PRDM16: variants seen among roughly 807,000 people sequenced by gnomAD.
PRDM16 encodes the protein PR/SET domain 16, also known as histone-lysine N-methyltransferase PRDM16.
In PRDM16, 23 loss-of-function variants were observed where a neutral mutation model predicts 110.6. The ratio of observed to expected loss-of-function variants is 0.21; its 90% CI spans 0.15 to 0.29. The LOEUF (loss-of-function observed/expected upper bound fraction) is 0.29, where lower values mean the gene tolerates loss of function less well. PRDM16 is among the 10% of genes least tolerant of loss of function. The pLI is 1.00. For missense variants in PRDM16, 1,615 were observed against 1,794.3 expected (o/e 0.90, Z 1.81); for synonymous variants, 799 against 781.8 (o/e 1.02, Z -0.37).
At chr1:3,326,068 ATCCTCG>A (rs1304605970) in intron 3 of PRDM16, among the ~76,000 whole-genome samples, 5 of 55,220 alleles carry the variant, frequency 9.1e-5, no homozygotes, top group Non-Finnish European at 1.4e-4. Context: ...CCCCTTGGCC[ATCCTCG>A]ACCATCCTTG....
chr1:3,098,449 C>G (rs74048202), intron 1 of PRDM16, among the ~76,000 whole-genome samples: 262 of 152,266 alleles, frequency 1.7e-3, no homozygotes, highest in African/African-American at 6.0e-3. Context: ...TTGTCTCCCC[C>G]ACTCACCGCT....
intron 1 of PRDM16, among the ~76,000 whole-genome samples, chr1:3,138,287 C>A (rs967535012): frequency 5.3e-5 from 8 of 152,248 alleles, no homozygotes; most frequent in African/African-American, 1.7e-4. Context: ...ATGGCTGCCA[C>A]AAGCCTTTTT....
At chr1:3,098,210 G>A (rs980763626) in intron 1 of PRDM16, among the ~76,000 whole-genome samples, 1 of 152,142 alleles carries the variant, frequency 6.6e-6, no homozygotes, top group Non-Finnish European at 1.5e-5. Context: ...AGGCTCATGG[G>A]GCTGGATCCA....
At position 3,412,735 on chromosome 1, in the gene PRDM16, G is replaced by T; in HGVS notation, c.2538G>T (p.Arg846=). The change falls in exon 9 of 17, where the codon CGG becomes CGT. Residue 846 remains arginine, a synonymous_variant. Transcript: ENST00000270722. ...GEGLPQVCPA[R]MPQQPPLHYA... is the part of the protein sequence containing the mutation. Reference sequence around the variant, plus strand: ...GGCTGCCCCAGGTGTGCCCGGCGCGGATGCCCCAGCAGCCCCCGCTCCACT... The same window carrying T: ...GGCTGCCCCAGGTGTGCCCGGCGCGTATGCCCCAGCAGCCCCCGCTCCACT... The T allele has an allele frequency of 6.6e-7, 1 of 1,506,748 alleles. No homozygotes were observed. 93.3% of individuals were successfully genotyped at this position (1,506,748 alleles called of 1,614,324 possible).
At chr1:3,385,343 G>C (rs569907015) in intron 4 of PRDM16, 57 bp downstream of exon 4, 1 of 1,590,658 alleles carries the variant, frequency 6.3e-7, no homozygotes, top group Non-Finnish European at 8.6e-7. Context: ...CTGAGGATGT[G>C]GCACCAAGAT....
chr1:3,153,080 G>A (rs185413632), intron 1 of PRDM16, among the ~76,000 whole-genome samples: 26 of 152,370 alleles, frequency 1.7e-4, no homozygotes, highest in Admixed American at 8.5e-4. Context: ...CAGCTCCAGC[G>A]GTGCTCAGAT....
chr1:3,180,391 G>C (rs924356529), intron 1 of PRDM16, among the ~76,000 whole-genome samples: 2 of 152,024 alleles, frequency 1.3e-5, no homozygotes, highest in African/African-American at 2.4e-5. Context: ...TTGAAATCAC[G>C]TGGCTGGGTG....
intron 4 of PRDM16, chr1:3,386,728 C>T (rs1052646484): frequency 5.3e-5 from 8 of 152,276 alleles, no homozygotes; most frequent in African/African-American, 1.2e-4. Context: ...CATAGAAGGA[C>T]GGTCTTTCCG....
intron 1 of PRDM16, among the ~76,000 whole-genome samples, chr1:3,108,463 C>G (rs1642715571): frequency 6.6e-6 from 1 of 152,234 alleles, no homozygotes; most frequent in Admixed American, 6.5e-5. Flanking sequence ...CTGTGACAGT[C>G]AAAGTTTTGT....
intron 16 of PRDM16, among the ~76,000 whole-genome samples, chr1:3,432,749 C>T (rs1412634398): frequency 1.3e-5 from 2 of 152,210 alleles, no homozygotes; most frequent in African/African-American, 4.8e-5. Flanking sequence ...AAGCCGTCTG[C>T]GTGTCTGTCT....
chr1:3,219,149 G>T (rs916502359), intron 2 of PRDM16, among the ~76,000 whole-genome samples: 4 of 152,188 alleles, frequency 2.6e-5, no homozygotes, highest in African/African-American at 9.7e-5. Context: ...ACAGCCTCAC[G>T]GTGCACAGAA....
At chr1:3,271,528 G>A (rs556206305) in intron 3 of PRDM16, among the ~76,000 whole-genome samples, 2 of 152,330 alleles carry the variant, frequency 1.3e-5, no homozygotes, top group South Asian at 4.1e-4. Flanking sequence ...TGGAAATTCT[G>A]ACCCTGTGAG....
chr1:3,212,258 C>T (rs984290012), intron 2 of PRDM16, among the ~76,000 whole-genome samples: 8 of 152,172 alleles, frequency 5.3e-5, no homozygotes, highest in Non-Finnish European at 1.2e-4. Context: ...CCCTTTTATG[C>T]GGCCTTGTGC....
intron 3 of PRDM16, among the ~76,000 whole-genome samples, chr1:3,284,128 C>T (rs1044234813): frequency 1.3e-5 from 2 of 152,194 alleles, no homozygotes; most frequent in African/African-American, 2.4e-5. Flanking sequence ...ACCCGTAGCC[C>T]GCCCGGGAAG....
Position 3,152,401 on chromosome 1 carries a change from CATTT to C in PRDM16, c.38-33721_38-33718del, listed in dbSNP as rs1278452492. On this transcript the variant is annotated intron_variant, in intron 1 of 16. Coordinates refer to ENST00000270722, the MANE Select transcript of PRDM16 (RefSeq NM_022114.4). ...CCATCCATTTATCCATCCATCCATC[CATTT>C]ATCCATCCATCCATCCATCCATGGA... 8.4e-3 allele frequency among the ~76,000 whole-genome samples: 948 copies of C among 112,922 alleles called. 13 individuals carry two copies. The highest frequency in any genetic ancestry group is 0.058 in the African/African-American group (903 of 15,700). 74.1% of individuals were successfully genotyped at this position (112,922 alleles called of 152,430 possible). A position where few individuals can be genotyped will look rare whatever the true frequency, so the allele number is the denominator to read the frequency against.
chr1:3,412,278 A>G lies in PRDM16; in HGVS notation c.2081A>G (p.Lys694Arg). The change falls in exon 9 of 17, where the codon AAG (lysine) becomes AGG (arginine). Residue 694 changes from lysine to arginine, a missense_variant. Lys to Arg is a conservative substitution (Grantham distance 26). This residue lies in a region of PRDM16 where 772 missense variants were observed against 748.3 expected (regional missense o/e 1.03). Coordinates refer to ENST00000270722, the MANE Select transcript of PRDM16 (RefSeq NM_022114.4). Reference sequence around the variant, plus strand: ...ACGGGCGCCGCCGGGGACTCCATCAAGGCCATCGCATCCATTGCCGAGAAG... The same window carrying G: ...ACGGGCGCCGCCGGGGACTCCATCAGGGCCATCGCATCCATTGCCGAGAAG... ...TATGAAGDSI[K>R]AIASIAEKYF... 6.2e-7 allele frequency: 1 copy of G among 1,613,564 alleles called. No individual in the cohort carries two copies. The highest frequency in any genetic ancestry group is 2.2e-5 in the East Asian group (1 of 44,856).
intron 1 of PRDM16, among the ~76,000 whole-genome samples, chr1:3,100,929 C>T (rs1642517629): frequency 6.7e-6 from 1 of 150,112 alleles, no homozygotes; most frequent in Non-Finnish European, 1.5e-5. Context: ...ACGGGTGGCA[C>T]TTGGTCATGT....
intron 2 of PRDM16, among the ~76,000 whole-genome samples, chr1:3,236,576 G>A (rs1024150954): frequency 2.6e-5 from 4 of 152,174 alleles, no homozygotes; most frequent in African/African-American, 7.2e-5. Context: ...GTGCCTGGGT[G>A]ACCCGGGCTG....
intron 1 of PRDM16, among the ~76,000 whole-genome samples, chr1:3,122,144 G>A (rs942362881): frequency 6.6e-6 from 1 of 152,156 alleles, no homozygotes; most frequent in Non-Finnish European, 1.5e-5. Flanking sequence ...ACAGACAGCC[G>A]GGCTGTGTGG....
Sources: gnomAD v4.1 joint callset for allele counts (sites outside exome capture counted in the v4.1 genomes callset) on GRCh38, gnomAD v4.1.1 for gene constraint, gnomAD v4.1.1 regional missense constraint, MANE v1.5 for transcripts, NCBI Gene and HGNC (gene_info 2026-07-23, HGNC 2026-07-21) for gene names.